SHANK2: variants seen among roughly 807,000 people sequenced by gnomAD.
SHANK2 encodes SH3 and multiple ankyrin repeat domains protein 2.
A neutral mutation model predicts 133.7 loss-of-function variants in SHANK2; 43 were observed. That is an observed-to-expected ratio of 0.32 (90% CI 0.25 to 0.41). The LOEUF (loss-of-function observed/expected upper bound fraction) is 0.41. SHANK2 is among the 10% of genes least tolerant of loss of function. The pLI, the probability that SHANK2 is intolerant of heterozygous loss-of-function variation, is 1.00. For missense variants in SHANK2, 1,994 were observed against 2,235.8 expected (o/e 0.89, Z 2.18); for synonymous variants, 1,017 against 952.8 (o/e 1.07, Z -1.24).
chr11:70,502,891 A>G lies in SHANK2; in HGVS notation c.2102T>C (p.Val701Ala). 6.2e-7 allele frequency: 1 copy of G among 1,613,870 alleles called. No individual in the cohort carries two copies. The highest frequency in any genetic ancestry group is 8.5e-7 in the Non-Finnish European group (1 of 1,179,988). The change falls in exon 18 of 26, where the codon GTG becomes GCG. Residue 701 changes from valine (V) to alanine (A), a missense_variant. Coordinates refer to ENST00000601538, the MANE Select transcript of SHANK2 (RefSeq NM_012309.5). ...ENVVKVGHRQ[V>A]VNMIRQGGNH... is the part of the protein sequence containing the mutation. ...CCCTCCCTGCCGGATCATGTTCACC[A>G]CCTGCCTGTGGCCGACTTTGACAAC...
intron 11 of SHANK2, among the ~76,000 whole-genome samples, chr11:70,834,365 C>G (rs771722452): frequency 6.6e-6 from 1 of 152,122 alleles, no homozygotes; most frequent in Non-Finnish European, 1.5e-5. Context: ...CATGGGGAGC[C>G]GAAAAAAGAA....
At chr11:71,132,567 T>C (rs1179632121) in intron 3 of SHANK2, among the ~76,000 whole-genome samples, 1 of 152,222 alleles carries the variant, frequency 6.6e-6, no homozygotes, top group African/African-American at 2.4e-5. Flanking sequence ...AGACGTTTTA[T>C]GTGCAGGCTA....
chr11:70,571,845 C>T (rs371389851), intron 17 of SHANK2, among the ~76,000 whole-genome samples: 2 of 151,818 alleles, frequency 1.3e-5, no homozygotes, highest in African/African-American at 2.4e-5. Context: ...AACTGGAAAG[C>T]GAGAGAGGAG....
chr11:70,728,057 T>C lies in SHANK2; in HGVS notation c.1778-29294A>G, dbSNP rs538041701. Reference sequence around the variant, plus strand: ...GCTTTGGAAAAGGAGAGTAAATGAATATGCAAGCACCCAGTGTCAGGGCAA... The same window carrying C: ...GCTTTGGAAAAGGAGAGTAAATGAACATGCAAGCACCCAGTGTCAGGGCAA... On this transcript the variant is annotated intron_variant, in intron 14 of 25. Coordinates refer to ENST00000601538, the MANE Select transcript of SHANK2 (RefSeq NM_012309.5). Among the ~76,000 whole-genome samples the C allele has an allele frequency of 5.9e-5, 9 of 152,334 alleles. No individual in the cohort carries two copies. The South Asian group carries it at 1.9e-3, about 32-fold the overall frequency.
chr11:70,612,624 T>TCCAGAAGCCC (rs1423876441), intron 17 of SHANK2, among the ~76,000 whole-genome samples: 1 of 152,126 alleles, frequency 6.6e-6, no homozygotes, highest in Non-Finnish European at 1.5e-5. Flanking sequence ...CGCTCAACGC[T>TCCAGAAGCCC]CCAGAAGCCC....
At chr11:70,943,184 C>A in intron 10 of SHANK2, 1 of 433,948 alleles carries the variant, frequency 2.3e-6, no homozygotes. Flanking sequence ...AGATGGTGCT[C>A]AGTCACCGAC....
intron 14 of SHANK2, among the ~76,000 whole-genome samples, chr11:70,742,821 T>C (rs1240019962): frequency 1.3e-5 from 2 of 152,190 alleles, no homozygotes; most frequent in Non-Finnish European, 2.9e-5. Flanking sequence ...GGGCGGGGGC[T>C]GGAGTCTCCC....
chr11:70,937,214 A>C (rs1015350756), intron 10 of SHANK2, among the ~76,000 whole-genome samples: 4 of 152,202 alleles, frequency 2.6e-5, no homozygotes, highest in Non-Finnish European at 5.9e-5. Context: ...CAAACACTAG[A>C]TGCACAGATG....
intron 14 of SHANK2, among the ~76,000 whole-genome samples, chr11:70,737,895 GT>G (rs1381264678): frequency 2.6e-5 from 4 of 152,242 alleles, no homozygotes; most frequent in Non-Finnish European, 1.5e-5. Flanking sequence ...TGCTAATAAG[GT>G]TCCAGGGTGA....
chr11:70,949,802 T>C (rs566183588), intron 10 of SHANK2, among the ~76,000 whole-genome samples: 1 of 152,368 alleles, frequency 6.6e-6, no homozygotes, highest in South Asian at 2.1e-4. Context: ...GTAGGGCTGA[T>C]GCTGATGACA....
intron 17 of SHANK2, among the ~76,000 whole-genome samples, chr11:70,624,042 C>T (rs1374724137): frequency 2.0e-5 from 3 of 152,098 alleles, no homozygotes; most frequent in Admixed American, 6.6e-5. Context: ...AGGGCACCTT[C>T]GTCCCTGTGC....
intron 2 of SHANK2, among the ~76,000 whole-genome samples, chr11:71,177,157 T>C (rs1953463832): frequency 1.3e-5 from 2 of 152,314 alleles, no homozygotes; most frequent in Admixed American, 6.5e-5. Context: ...CCAGGAGATC[T>C]GTCCTACAAT....
At chr11:71,232,792 A>C (rs1159027153) in intron 1 of SHANK2, among the ~76,000 whole-genome samples, 2 of 152,218 alleles carry the variant, frequency 1.3e-5, no homozygotes, top group East Asian at 1.9e-4. Context: ...ATAGTAGGCT[A>C]TCAGTAGTTA....
At chr11:70,785,485 T>TC (rs1947629251) in intron 14 of SHANK2, among the ~76,000 whole-genome samples, 1 of 152,012 alleles carries the variant, frequency 6.6e-6, no homozygotes, top group Non-Finnish European at 1.5e-5. Context: ...CTGGCCCTGC[T>TC]CCCCACAACC....
intron 14 of SHANK2, among the ~76,000 whole-genome samples, chr11:70,716,830 G>A (rs537836432): frequency 2.6e-5 from 4 of 152,134 alleles, no homozygotes; most frequent in African/African-American, 9.6e-5. Context: ...CAACCGCAAA[G>A]CAACATCTGG....
At chr11:70,637,364 T>G (rs1273913898) in intron 17 of SHANK2, among the ~76,000 whole-genome samples, 4 of 152,054 alleles carry the variant, frequency 2.6e-5, no homozygotes, top group African/African-American at 4.8e-5. Context: ...CACAACTGAT[T>G]AGACCCAGGG....
In SHANK2 at chr11:70,473,430, C is replaced by T. The variant is rs781823495; in HGVS notation, c.4989G>A (p.Glu1663=). 1.9e-5 allele frequency: 30 copies of T among 1,603,146 alleles called. No homozygotes were observed. Among genetic ancestry groups the T allele is most frequent in the Non-Finnish European group, 2.5e-5 (29 of 1,179,924 alleles). The change falls in exon 26 of 26, where the codon GAG becomes GAA. Residue 1663 remains glutamate, a synonymous_variant. Coordinates refer to ENST00000601538, the MANE Select transcript of SHANK2 (RefSeq NM_012309.5). This position sits in a 1 kb window ranked among gnomAD's most constrained non-coding sequence, Gnocchi z 5.9. The stretch of plus-strand genomic sequence containing the variant: ...GTGTACCTGAGATGGTGCTCATGAT[C>T]TCCGGGCTTCTGAAACAGCAACACA... ...KSASLAPRSP[E]IMSTISGTRS...
intron 3 of SHANK2, among the ~76,000 whole-genome samples, chr11:71,140,000 C>T (rs552928422): frequency 2.0e-5 from 3 of 152,166 alleles, no homozygotes; most frequent in Non-Finnish European, 2.9e-5. Flanking sequence ...TCCCAGTGGA[C>T]GGGCACTGGG....
chr11:71,201,491 C>A (rs143377515), intron 2 of SHANK2, among the ~76,000 whole-genome samples: 244 of 152,370 alleles, frequency 1.6e-3, no homozygotes, highest in Middle Eastern at 3.4e-3. Context: ...GCTGCTGCTA[C>A]TCACTTGGCC....
Sources: allele counts gnomAD v4.1 joint callset (sites outside exome capture counted in the v4.1 genomes callset), GRCh38; gene constraint gnomAD v4.1.1; non-coding constraint Gnocchi (gnomAD v3.1); transcripts MANE v1.5; gene names NCBI Gene and HGNC (gene_info 2026-07-23, HGNC 2026-07-21).